ZNF566: variants seen among roughly 807,000 people sequenced by gnomAD.
The protein encoded by ZNF566 is zinc finger protein 566.
ZNF566 carries 27 observed loss-of-function variants against 32.8 expected under a neutral mutation model. That is an observed-to-expected ratio of 0.82 (90% CI 0.61 to 1.14). ZNF566 has a LOEUF of 1.14. Among genes scored for constraint, ZNF566 ranks in the 50% most tolerant of loss-of-function variants. ZNF566 has a pLI of 0.00. For missense variants in ZNF566, 402 were observed against 490.4 expected (o/e 0.82, Z 1.70); for synonymous variants, 154 against 159.5 (o/e 0.97, Z 0.26).
rs576964088 is a variant in ZNF566, at chr19:36,460,442, G to A, written c.233-10441C>T. Among the ~76,000 whole-genome samples the A allele has an allele frequency of 2.1e-3, 317 of 152,200 alleles. 3 individuals are homozygous for A. The highest frequency in any genetic ancestry group is 3.9e-3 in the Non-Finnish European group (264 of 68,012). Reference sequence around the variant, plus strand: ...AGCCGAAATAAAAACCACTGGCTAGGCTCAACAGCAGAATGGAGGTAATAA... The same window carrying A: ...AGCCGAAATAAAAACCACTGGCTAGACTCAACAGCAGAATGGAGGTAATAA... On this transcript the variant is annotated intron_variant, in intron 4 of 4. Coordinates refer to ENST00000452939, the MANE Select transcript of ZNF566 (RefSeq NM_001145344.1).
intron 1 of ZNF566, among the ~76,000 whole-genome samples, chr19:36,484,011 T>A (rs2034096798): frequency 6.6e-6 from 1 of 152,174 alleles, no homozygotes; most frequent in Non-Finnish European, 1.5e-5. Context: ...TAGCTGGGAT[T>A]ACAGGTGCAC....
intron 4 of ZNF566, among the ~76,000 whole-genome samples, chr19:36,470,151 T>C (rs1356233909): frequency 1.3e-5 from 2 of 152,116 alleles, no homozygotes; most frequent in Admixed American, 6.5e-5. Context: ...CCTAGGGGAT[T>C]TCATCCAGTC....
At position 36,450,837 on chromosome 19, in the gene ZNF566, C is replaced by T. The variant is rs533367925; in HGVS notation, c.233-836G>A. ...TACGTATTGTCTATGGATGCTTTTG[C>T]GCTAAAAGGGCAGAAGTGAGTAGTT... is the stretch of plus-strand genomic sequence containing the variant. On this transcript the variant is annotated intron_variant, in intron 4 of 4. Coordinates refer to ENST00000452939, the MANE Select transcript of ZNF566 (RefSeq NM_001145344.1). Among the ~76,000 whole-genome samples, 75 of 152,170 alleles carry T rather than the reference C, an allele frequency of 4.9e-4. 1 individual carries two copies. The highest frequency in any genetic ancestry group is 2.1e-3 in the South Asian group (10 of 4,824).
intron 4 of ZNF566, among the ~76,000 whole-genome samples, chr19:36,462,942 G>A (rs2033508696): frequency 9.9e-6 from 1 of 101,142 alleles, no homozygotes; most frequent in Non-Finnish European, 1.8e-5. Context: ...GGGTGACACA[G>A]CGAGACTCTG....
chr19:36,455,364 C>A (rs1309822646), intron 4 of ZNF566, among the ~76,000 whole-genome samples: 1 of 152,110 alleles, frequency 6.6e-6, no homozygotes, highest in Non-Finnish European at 1.5e-5. Context: ...CCTTTTCATT[C>A]CTTTTAGGCA....
rs1277439135 is a variant in ZNF566 at position 36,473,351 on chromosome 19, G to A, written c.117C>T (p.Tyr39=). 1 of 1,614,066 alleles carries A rather than the reference G, an allele frequency of 6.2e-7. No homozygotes were observed. The change falls in exon 3 of 5, where the codon TAC becomes TAT. Residue 39 remains tyrosine (Y), a synonymous_variant. Coordinates refer to ENST00000452939, the MANE Select transcript of ZNF566 (RefSeq NM_001145344.1). ...DLYRDVMLEN[Y]SNLVSMGHSI... ...CCTTACCCATTGAAACCAGGTTGCT[G>A]TAATTCTCCAACATCACATCTCTGT...
intron 1 of ZNF566, among the ~76,000 whole-genome samples, chr19:36,477,526 G>GTTT (rs767741591): frequency 0.013 from 1,352 of 106,710 alleles, 250 homozygotes; most frequent in African/African-American, 0.038. Context: ...TTCTGTTTCT[G>GTTT]TTTTTTTTTT....
At chr19:36,480,243 T>A (rs2033991783) in intron 1 of ZNF566, among the ~76,000 whole-genome samples, 1 of 151,624 alleles carries the variant, frequency 6.6e-6, no homozygotes, top group Admixed American at 6.6e-5. Context: ...CACATGTATA[T>A]ACTGTCACCT....
At chr19:36,467,303 T>A (rs1296119126) in intron 4 of ZNF566, among the ~76,000 whole-genome samples, 1 of 149,844 alleles carries the variant, frequency 6.7e-6, no homozygotes, top group African/African-American at 2.5e-5. Flanking sequence ...GGCATAGTGG[T>A]GGGTGCCCAT....
At chr19:36,481,473 GAAAAAAAAA>G (rs79028574) in intron 1 of ZNF566, among the ~76,000 whole-genome samples, 6 of 110,848 alleles carry the variant, frequency 5.4e-5, no homozygotes, top group East Asian at 3.0e-4. Context: ...ACTGTCTCGG[GAAAAAAAAA>G]AAAAAAAAAA....
chr19:36,484,247 G>C (rs1184679486), intron 1 of ZNF566, among the ~76,000 whole-genome samples: 1 of 152,204 alleles, frequency 6.6e-6, no homozygotes, highest in Non-Finnish European at 1.5e-5. Flanking sequence ...GCTGGGATTA[G>C]CCAAGACTCA....
intron 4 of ZNF566, among the ~76,000 whole-genome samples, chr19:36,464,231 GA>G (rs980134284): frequency 6.6e-6 from 1 of 152,120 alleles, no homozygotes; most frequent in African/African-American, 2.4e-5. Context: ...AATGTAACAA[GA>G]AAGACCCAAT....
chr19:36,449,111 C>G lies in ZNF566; in HGVS notation c.1123G>C (p.Ala375Pro), dbSNP rs1257483270. The G allele has an allele frequency of 6.2e-7, 1 of 1,614,006 alleles. No individual in the cohort carries two copies. Among genetic ancestry groups the G allele is most frequent in the African/African-American group, 1.3e-5 (1 of 75,022 alleles). The change falls in exon 5 of 5, where the codon GCT becomes CCT. Residue 375 changes from alanine to proline, a missense_variant. Ala to Pro is a conservative substitution (Grantham distance 27, BLOSUM62 -1). Around this residue, in one of 3 missense-constraint regions of ZNF566, gnomAD observed 135 missense variants for 210.0 expected, o/e 0.64. Transcript: ENST00000452939. ...ATAAGCTGTGAACTCTGAGAATAAG[C>G]CTTCCCACATATCTTACATTCATAG... is the stretch of plus-strand genomic sequence containing the variant. ...KPYECKICGK[A>P]YSQSSQLISH... is the part of the protein sequence containing the mutation.
At chr19:36,483,118 T>A (rs1600181091) in intron 1 of ZNF566, among the ~76,000 whole-genome samples, 2 of 152,302 alleles carry the variant, frequency 1.3e-5, no homozygotes, top group South Asian at 4.1e-4. Flanking sequence ...TCTGAACGTA[T>A]CTGTGAAACT....
chr19:36,478,094 AC>A (rs1403096694), intron 1 of ZNF566, among the ~76,000 whole-genome samples: 1 of 152,084 alleles, frequency 6.6e-6, no homozygotes, highest in African/African-American at 2.4e-5. Flanking sequence ...AAAACTGACC[AC>A]CCAGAAAGTA....
At chr19:36,456,084 T>C (rs2033302208) in intron 4 of ZNF566, among the ~76,000 whole-genome samples, 2 of 151,442 alleles carry the variant, frequency 1.3e-5, no homozygotes, top group Non-Finnish European at 2.9e-5. Flanking sequence ...TTCAGTAAGA[T>C]ACAAAAATCG....
intron 1 of ZNF566, among the ~76,000 whole-genome samples, chr19:36,485,149 T>C (rs1030010806): frequency 1.4e-4 from 21 of 151,618 alleles, no homozygotes. Context: ...CAAACGCAAA[T>C]TGAAAGATAT....
intron 1 of ZNF566, among the ~76,000 whole-genome samples, chr19:36,488,535 A>G (rs548242662): frequency 1.3e-5 from 2 of 152,334 alleles, no homozygotes; most frequent in African/African-American, 4.8e-5. Context: ...AGTGGAAGAT[A>G]TATGAACCGG....
Position 36,451,128 on chromosome 19 carries a change from T to C in ZNF566, c.233-1127A>G, listed in dbSNP as rs1293262215. Among the ~76,000 whole-genome samples the C allele has an allele frequency of 5.3e-5, 8 of 152,230 alleles. 1 individual carries two copies. Among genetic ancestry groups the C allele is most frequent in the Non-Finnish European group, 8.8e-5 (6 of 68,040 alleles). ...TGGCTGGTAGCTTTTGTACTGGAAGTCTGTACGAAATATCACAAATATAAA... is the reference window on the plus strand; with the variant it reads ...TGGCTGGTAGCTTTTGTACTGGAAGCCTGTACGAAATATCACAAATATAAA... On this transcript the variant is annotated intron_variant, in intron 4 of 4. Transcript: ENST00000452939.
Sources: gnomAD v4.1 joint callset for allele counts (sites outside exome capture counted in the v4.1 genomes callset) on GRCh38, gnomAD v4.1.1 for gene constraint, gnomAD v4.1.1 regional missense constraint, MANE v1.5 for transcripts, NCBI Gene and HGNC (gene_info 2026-07-23, HGNC 2026-07-21) for gene names.